Variants in GRM1 observed in about 807,000 individuals in gnomAD.
GRM1 encodes glutamate metabotropic receptor 1, also known as metabotropic glutamate receptor 1.
A neutral mutation model predicts 90.9 loss-of-function variants in GRM1; 33 were observed. The observed-to-expected ratio is 0.36, with a 90% CI of 0.28 to 0.49. GRM1 has a LOEUF of 0.49. Among genes scored for constraint, GRM1 ranks in the 20% least tolerant of loss-of-function variants. The pLI is 0.99. For missense variants in GRM1, 1,190 were observed against 1,534.3 expected, an observed-to-expected ratio of 0.78 and a Z score of 3.75; for synonymous variants, 700 against 613.2, an observed-to-expected ratio of 1.14 and a Z score of -2.09.
intron 6 of GRM1, among the ~76,000 whole-genome samples, chr6:146,391,751 T>A (rs1776732383): frequency 6.6e-6 from 1 of 152,076 alleles, no homozygotes; most frequent in South Asian, 2.1e-4. Flanking sequence ...CTAAAACTTT[T>A]AAGAAACTTA....
intron 2 of GRM1, among the ~76,000 whole-genome samples, chr6:146,226,733 C>A (rs1322594843): frequency 1.3e-5 from 2 of 152,096 alleles, no homozygotes; most frequent in African/African-American, 4.8e-5. Flanking sequence ...CATGCTGTTT[C>A]TTCTACAGTC....
intron 1 of GRM1, among the ~76,000 whole-genome samples, chr6:146,112,650 A>G (rs1775602073): frequency 6.6e-6 from 1 of 152,154 alleles, no homozygotes; most frequent in Non-Finnish European, 1.5e-5. Flanking sequence ...AAGTAGGAAG[A>G]TTTTTATATT....
intron 1 of GRM1, among the ~76,000 whole-genome samples, chr6:146,140,113 C>CTTTCTTTCTT (rs1554272188): frequency 4.3e-5 from 5 of 116,002 alleles, no homozygotes; most frequent in Admixed American, 1.0e-4. Flanking sequence ...TTCTTTCTTT[C>CTTTCTTTCTT]TTTCTTTCTT....
intron 5 of GRM1, among the ~76,000 whole-genome samples, chr6:146,366,054 G>A (rs1366609261): frequency 6.6e-6 from 1 of 152,118 alleles, no homozygotes; most frequent in Admixed American, 6.6e-5. Context: ...CCTCAAAGGT[G>A]GGGATAGTAT....
In GRM1 at chr6:146,378,335, G is replaced by T. The variant is rs186449119; in HGVS notation, c.1603-8555G>T. On this transcript the variant is annotated intron_variant, in intron 5 of 7. Coordinates refer to ENST00000282753, the MANE Select transcript of GRM1 (RefSeq NM_001278064.2). ...ACACTTGCACTGTGTGCCTGGAAAA[G>T]CTGCAGACACTCAACAGCAGCCCGT... Among the ~76,000 whole-genome samples, 117 of 152,278 alleles carry T rather than the reference G, an allele frequency of 7.7e-4. 1 individual carries two copies. Among genetic ancestry groups the T allele is most frequent in the Admixed American group, 2.4e-3 (36 of 15,302 alleles).
chr6:146,296,038 C>G (rs759275070), intron 2 of GRM1, among the ~76,000 whole-genome samples: 1 of 152,104 alleles, frequency 6.6e-6, no homozygotes, highest in South Asian at 2.1e-4. Flanking sequence ...TCCATTTTCC[C>G]GTAAAAGACA....
chr6:146,136,146 GTA>G lies in GRM1; in HGVS notation c.701-23195_701-23194del, dbSNP rs544105448. On this transcript the variant is annotated intron_variant, in intron 1 of 7. Transcript: ENST00000282753. The stretch of plus-strand genomic sequence containing the variant: ...TTATGGCTGAACAGTACTTCATTGT[GTA>G]TATATACCACATTTTCTCTATCCAT... 1.2e-4 allele frequency among the ~76,000 whole-genome samples: 18 copies of G among 152,286 alleles called. No homozygotes were observed. In the South Asian group the frequency reaches 3.7e-3, roughly 32 times the overall value.
chr6:146,342,304 A>G (rs554337059), intron 3 of GRM1, among the ~76,000 whole-genome samples: 75 of 152,344 alleles, frequency 4.9e-4, no homozygotes, highest in African/African-American at 1.6e-3. Flanking sequence ...TCATGGCAAC[A>G]TTACATGTGA....
At chr6:146,347,404 A>T (rs867898929) in intron 3 of GRM1, among the ~76,000 whole-genome samples, 1 of 152,224 alleles carries the variant, frequency 6.6e-6, no homozygotes, top group Non-Finnish European at 1.5e-5. Flanking sequence ...TTAGATCCGA[A>T]TAAGAAGTAG....
intron 2 of GRM1, among the ~76,000 whole-genome samples, chr6:146,160,185 T>A (rs1329936606): frequency 6.6e-6 from 1 of 152,182 alleles, no homozygotes; most frequent in Non-Finnish European, 1.5e-5. Flanking sequence ...ATTTGAAATT[T>A]ACAGAGTTGG....
intron 1 of GRM1, among the ~76,000 whole-genome samples, chr6:146,090,619 C>T (rs927562840): frequency 2.0e-5 from 3 of 152,060 alleles, no homozygotes; most frequent in African/African-American, 7.2e-5. Flanking sequence ...CATAGCTGTG[C>T]CAGCATGAGT....
chr6:146,113,835 A>G (rs1449458499), intron 1 of GRM1, among the ~76,000 whole-genome samples: 1 of 152,172 alleles, frequency 6.6e-6, no homozygotes. Context: ...TCTTTTTCTC[A>G]GAAGAATGGG....
chr6:146,275,577 C>T (rs1244612832), intron 2 of GRM1, among the ~76,000 whole-genome samples: 1 of 151,874 alleles, frequency 6.6e-6, no homozygotes, highest in Non-Finnish European at 1.5e-5. Context: ...CTCCTTTTTC[C>T]TATCTCTATC....
chr6:146,352,139 T>C, intron 3 of GRM1, 111 bp from the exon 4 acceptor site: 4 of 1,087,384 alleles, frequency 3.7e-6, no homozygotes, highest in Non-Finnish European at 5.6e-6. Context: ...TCTGCCAGTG[T>C]CATTGCTCAT....
At position 146,234,657 on chromosome 6, in the gene GRM1, A is replaced by G. The variant is rs1332274817; in HGVS notation, c.951-69954A>G. Among the ~76,000 whole-genome samples the G allele has an allele frequency of 2.6e-5, 4 of 152,178 alleles. No individual in the cohort carries two copies. In the East Asian group the frequency reaches 7.7e-4, roughly 29 times the overall value. On this transcript the variant is annotated intron_variant, in intron 2 of 7. Transcript: ENST00000282753. The stretch of plus-strand genomic sequence containing the variant: ...TCATAAATTTCTTCTGACATATTTT[A>G]TAAATTCATTGCAACTATGTTTGCT...
At chr6:146,259,478 T>TGGCAGC in intron 2 of GRM1, among the ~76,000 whole-genome samples, 1 of 152,260 alleles carries the variant, frequency 6.6e-6, no homozygotes, top group African/African-American at 2.4e-5. Flanking sequence ...CCGCTGGCAG[T>TGGCAGC]GGCAGCCACC....
intron 7 of GRM1, among the ~76,000 whole-genome samples, chr6:146,418,534 A>G (rs983186144): frequency 6.6e-6 from 1 of 151,918 alleles, no homozygotes; most frequent in Non-Finnish European, 1.5e-5. Flanking sequence ...GTATACATAC[A>G]TGCATATACA....
chr6:146,107,731 C>G (rs1291233229), intron 1 of GRM1, among the ~76,000 whole-genome samples: 1 of 152,136 alleles, frequency 6.6e-6, no homozygotes, highest in Non-Finnish European at 1.5e-5. Context: ...TCCATGGAGT[C>G]TGCGAGTTAC....
rs188094219 is a variant in GRM1 at position 146,371,429 on chromosome 6, C to T, written c.1602+13735C>T. Among the ~76,000 whole-genome samples, 193 of 152,130 alleles carry T rather than the reference C, an allele frequency of 1.3e-3. 2 individuals carry two copies. Among genetic ancestry groups the T allele is most frequent in the East Asian group, 5.8e-4 (3 of 5,184 alleles). On this transcript the variant is annotated intron_variant, in intron 5 of 7. Transcript: ENST00000282753. Reference sequence around the variant, plus strand: ...TACAATGAGTGCATCATGGAGAATGCGGTATTCCTTCCCTCAAGCATTTAT... The same window carrying T: ...TACAATGAGTGCATCATGGAGAATGTGGTATTCCTTCCCTCAAGCATTTAT...
Sources: allele counts gnomAD v4.1 joint callset (sites outside exome capture counted in the v4.1 genomes callset), GRCh38; gene constraint gnomAD v4.1.1; transcripts MANE v1.5; gene names NCBI Gene and HGNC (gene_info 2026-07-23, HGNC 2026-07-21).